The following NUDT12 variants were observed in gnomAD, a reference collection of about 807,000 sequenced individuals.
NUDT12 encodes the protein NAD-capped RNA hydrolase NUDT12.
NUDT12 carries 42 observed loss-of-function variants against 45.7 expected under a neutral mutation model. The observed-to-expected ratio is 0.92, with a 90% confidence interval of 0.72 to 1.19. The LOEUF (loss-of-function observed/expected upper bound fraction) is 1.19, where lower values mean the gene tolerates loss of function less well. NUDT12 is among the 50% of genes most tolerant of loss of function. The pLI is 0.00. For missense variants in NUDT12, 590 were observed against 533.1 expected, an observed-to-expected ratio of 1.11 and a Z score of -1.05; for synonymous variants, 206 against 179.7, an observed-to-expected ratio of 1.15 and a Z score of -1.17.
intron 3 of NUDT12, among the ~76,000 whole-genome samples, chr5:103,557,071 G>A (rs1044277767): frequency 4.0e-5 from 6 of 151,534 alleles, no homozygotes; most frequent in Middle Eastern, 3.4e-3. Context: ...CACCATGCAA[G>A]GAATTTTATA....
rs775870441 is a variant in NUDT12, at chr5:103,559,002, C to T, written c.673G>A (p.Val225Ile). Residue 225 changes from valine to isoleucine, a missense_variant, in exon 3 of 7, where the codon GTT becomes ATT. Coordinates refer to ENST00000230792, the MANE Select transcript of NUDT12 (RefSeq NM_031438.4). ...EVPREEEDGL[V>I]AWFALGIDPI... ...TCTATACCTAGAGCAAACCAGGCAA[C>T]CAATCCATCTTCCTCCTCTCTCGGG... 1.9e-6 allele frequency: 3 copies of T among 1,613,794 alleles called. No homozygotes were observed. The highest frequency in any genetic ancestry group is 4.5e-5 in the East Asian group (2 of 44,870).
intron 5 of NUDT12, chr5:103,554,369 G>C (rs1748746195): frequency 6.5e-6 from 1 of 155,012 alleles, no homozygotes; most frequent in South Asian, 2.0e-4. Flanking sequence ...GATTGTGAAT[G>C]CAGGGTATGG....
intron 5 of NUDT12, 43 bp from the exon 6 acceptor site, chr5:103,552,459 C>A (rs1267269079): frequency 6.1e-6 from 9 of 1,480,168 alleles, no homozygotes; most frequent in Non-Finnish European, 7.5e-6. Flanking sequence ...ATGAACATGC[C>A]CGGGACACTT....
At chr5:103,552,806 A>G (rs866767158) in intron 5 of NUDT12, among the ~76,000 whole-genome samples, 2 of 152,146 alleles carry the variant, frequency 1.3e-5, no homozygotes, top group African/African-American at 4.8e-5. Context: ...GCTCTTTCAC[A>G]CTAAAATTCT....
intron 3 of NUDT12, among the ~76,000 whole-genome samples, chr5:103,557,049 C>A (rs1330738783): frequency 6.6e-6 from 1 of 151,662 alleles, no homozygotes; most frequent in Non-Finnish European, 1.5e-5. Context: ...TGAGTACTTA[C>A]AATGTGCCAA....
intron 3 of NUDT12, among the ~76,000 whole-genome samples, 200 bp downstream of exon 3, chr5:103,558,679 T>C (rs1231724053): frequency 6.6e-6 from 1 of 152,082 alleles, no homozygotes; most frequent in Non-Finnish European, 1.5e-5. Context: ...TCTCAGGAAA[T>C]CAGTCTGGGC....
chr5:103,553,264 C>G (rs1748712970), intron 5 of NUDT12, among the ~76,000 whole-genome samples: 1 of 151,650 alleles, frequency 6.6e-6, no homozygotes, highest in South Asian at 2.1e-4. Context: ...TTAGCATATG[C>G]TACATATTTA....
rs1748913909 is a variant in NUDT12 at position 103,558,807 on chromosome 5, G to A, written c.796+72C>T. ...TGGAAAAAGAGTGCCCCTGGAAAGT[G>A]CAAATACATACAACTCCAACTCAAG... On this transcript the variant is annotated intron_variant, in intron 3 of 6. Transcript: ENST00000230792. 3 of 1,022,500 alleles carry A rather than the reference G, an allele frequency of 2.9e-6. No individual in the cohort carries two copies. In the African/African-American group the frequency reaches 4.9e-5, roughly 17 times the overall value. The allele number at this position is 1,022,500 out of a possible 1,614,324, so 63.3% of individuals were successfully genotyped here.
chr5:103,550,985 TA>T lies in NUDT12; in HGVS notation c.1279-15del. On this transcript the variant is annotated splice_polypyrimidine_tract_variant and intron_variant, in intron 6 of 6. Transcript: ENST00000230792. ...AACATCCAGGACCTAAAACACACCA[TA>T]ATAGAATGCATTAGGATTTCAAAGC... The T allele has an allele frequency of 6.4e-7, 1 of 1,555,634 alleles. No homozygotes were observed. Among genetic ancestry groups the T allele is most frequent in the Non-Finnish European group, 8.9e-7 (1 of 1,127,934 alleles).
At position 103,560,376 on chromosome 5, in the gene NUDT12, G is replaced by A. The variant is rs1450560199; in HGVS notation, c.-6-122C>T. ...TTCCAAGGCAACATACTATTCAACA[G>A]GCAATCCTTAAACAGCATACATTTC... On this transcript the variant is annotated intron_variant, in intron 1 of 6. Transcript: ENST00000230792. 4 of 645,440 alleles carry A rather than the reference G, an allele frequency of 6.2e-6. No homozygotes were observed. The African/African-American group carries it at 7.3e-5, about 12-fold the overall frequency. The allele number at this position is 645,440 out of a possible 1,614,324, so 40.0% of individuals were successfully genotyped here. A position where few individuals can be genotyped will look rare whatever the true frequency, so the allele number is the denominator to read the frequency against.
At position 103,549,787 on chromosome 5, in the gene NUDT12, T is replaced by G. The variant is rs1447695707; in HGVS notation, c.*1074A>C. On this transcript the variant is annotated 3_prime_UTR_variant, in exon 7 of 7. Coordinates refer to ENST00000230792, the MANE Select transcript of NUDT12 (RefSeq NM_031438.4). ...GCCTTTCAAAATGTGACTTTCTATG[T>G]TGCAAAATTGTGAACTACTATGTTT... 2 of 152,164 alleles carry G rather than the reference T, an allele frequency of 1.3e-5. No homozygotes were observed. The highest frequency in any genetic ancestry group is 2.9e-5 in the Non-Finnish European group (2 of 67,994). The allele number at this position is 152,164 out of a possible 1,614,324, so 9.4% of individuals were successfully genotyped here.
chr5:103,551,870 A>G (rs1748664296), intron 6 of NUDT12, among the ~76,000 whole-genome samples: 1 of 152,188 alleles, frequency 6.6e-6, no homozygotes, highest in Admixed American at 6.5e-5. Flanking sequence ...TTAATGTTAT[A>G]AACTAAAATA....
At chr5:103,552,490 C>A in intron 5 of NUDT12, 74 bp from the exon 6 acceptor site, 1 of 1,120,342 alleles carries the variant, frequency 8.9e-7, no homozygotes, top group Admixed American at 1.9e-5. Flanking sequence ...ATGGTTCAAA[C>A]ATCTGGAAAT....
At chr5:103,561,311 A>G (rs1385387913) in intron 1 of NUDT12, among the ~76,000 whole-genome samples, 2 of 152,070 alleles carry the variant, frequency 1.3e-5, no homozygotes, top group Non-Finnish European at 2.9e-5. Context: ...GATCTGGCTG[A>G]TGAATTGCAT....
At position 103,560,147 on chromosome 5, in the gene NUDT12, ATGAC is replaced by A. The variant is rs759624141; in HGVS notation, c.98_101del (p.Ser33IlefsTer17). On this transcript the variant is annotated frameshift_variant, in exon 2 of 7. Coordinates refer to ENST00000230792, the MANE Select transcript of NUDT12 (RefSeq NM_031438.4). LOFTEE classifies it high-confidence loss of function. ...AAGTTTCATTGAGAAGAGATGGAGA[ATGAC>A]TGAGTATTCCTGTTAACTTGGCAAT... is the stretch of plus-strand genomic sequence containing the variant. 6.2e-7 allele frequency: 1 copy of A among 1,613,598 alleles called. No individual in the cohort carries two copies. The highest frequency in any genetic ancestry group is 1.1e-5 in the South Asian group (1 of 91,066).
At chr5:103,560,785 C>T (rs1047604054) in intron 1 of NUDT12, among the ~76,000 whole-genome samples, 3 of 152,084 alleles carry the variant, frequency 2.0e-5, no homozygotes, top group East Asian at 3.9e-4. Context: ...CATATTACTC[C>T]GTATTATTCT....
chr5:103,555,759 C>T (rs1268078107), intron 4 of NUDT12, among the ~76,000 whole-genome samples, 172 bp downstream of exon 4: 1 of 151,944 alleles, frequency 6.6e-6, no homozygotes, highest in Non-Finnish European at 1.5e-5. Flanking sequence ...TATTGATGTA[C>T]CATGTTTTTT....
rs770160791 is a variant in NUDT12 at position 103,560,203 on chromosome 5, A to T, written c.46T>A (p.Phe16Ile). 6.2e-7 allele frequency: 1 copy of T among 1,613,896 alleles called. No homozygotes were observed. The highest frequency in any genetic ancestry group is 1.7e-5 in the Admixed American group (1 of 60,012). The change falls in exon 2 of 7, where the codon TTT becomes ATT. Residue 16 changes from phenylalanine (F) to isoleucine (I), a missense_variant. Physicochemically the swap from Phe to Ile is conservative, Grantham distance 21 (BLOSUM62 0). Coordinates refer to ENST00000230792, the MANE Select transcript of NUDT12 (RefSeq NM_031438.4). ...TCTCCTTCAGCAGCTGAACAGTGAAACTGAGTAACTATTTCTTGCTTCAGA... is the reference window on the plus strand; with the variant it reads ...TCTCCTTCAGCAGCTGAACAGTGAATCTGAGTAACTATTTCTTGCTTCAGA... ...RSLKQEIVTQ[F>I]HCSAAEGDIA...
At position 103,559,067 on chromosome 5, in the gene NUDT12, A is replaced by G; in HGVS notation, c.608T>C (p.Leu203Pro). Residue 203 changes from leucine to proline, a missense_variant, in exon 3 of 7, where the codon CTT becomes CCT. By Grantham distance (98) the Leu-to-Pro change is moderately conservative. Transcript: ENST00000230792. ...ATTAAGTAGTTTGTCTTTTATTTCA[A>G]GTTCTACTCCAAGAAAAATCAAGGT... ...KITLIFLGVE[L>P]EIKDKLLNYA... 6.2e-7 allele frequency: 1 copy of G among 1,613,422 alleles called. No individual in the cohort carries two copies. The highest frequency in any genetic ancestry group is 1.3e-5 in the African/African-American group (1 of 74,994).
Sources: allele counts gnomAD v4.1 joint callset (sites outside exome capture counted in the v4.1 genomes callset), GRCh38; gene constraint gnomAD v4.1.1; transcripts MANE v1.5; gene names NCBI Gene and HGNC (gene_info 2026-07-23, HGNC 2026-07-21).